Variants in MAST4 observed in about 807,000 individuals in gnomAD.
The protein encoded by MAST4 is microtubule associated serine/threonine kinase family member 4.
Under a neutral mutation model 162.7 loss-of-function variants are expected in MAST4, and 89 were observed. The observed-to-expected ratio is 0.55, with a 90% CI of 0.46 to 0.65. The LOEUF (loss-of-function observed/expected upper bound fraction) is 0.65. Ranked by LOEUF, MAST4 falls within the 30% of genes least tolerant of loss-of-function variation. MAST4 has a pLI of 0.00. For synonymous variants in MAST4, 1,479 were observed against 1,361.1 expected (o/e 1.09, Z -1.91); for missense variants, 3,153 against 3,374.0 (o/e 0.93, Z 1.62).
At chr5:67,013,263 C>T (rs1752901787) in intron 4 of MAST4, among the ~76,000 whole-genome samples, 1 of 152,062 alleles carries the variant, frequency 6.6e-6, no homozygotes, top group Admixed American at 6.6e-5. Context: ...CACCTTGTGC[C>T]CCTGGAAAGT....
rs1773876022 is a variant in MAST4, at chr5:67,165,899, G to A, written c.6720G>A (p.Lys2240=). The change falls in exon 29 of 29, where the codon AAG becomes AAA. Residue 2240 remains lysine, a synonymous_variant. Transcript: ENST00000403625. The part of the protein sequence containing the change: ...QSLGGSSREG[K]GHSKSGPDVF... Reference sequence around the variant, plus strand: ...TCGGTGGCTCTAGCAGAGAGGGGAAGGGCCACAGTAAGAGTGGGCCGGATG... The same window carrying A: ...TCGGTGGCTCTAGCAGAGAGGGGAAAGGCCACAGTAAGAGTGGGCCGGATG... 7 of 1,613,290 alleles carry A rather than the reference G, an allele frequency of 4.3e-6. No homozygotes were observed. The highest frequency in any genetic ancestry group is 2.7e-5 in the African/African-American group (2 of 74,946).
intron 12 of MAST4, 89 bp downstream of exon 12, chr5:67,114,308 T>G (rs1399688480): frequency 1.4e-6 from 2 of 1,470,752 alleles, no homozygotes; most frequent in African/African-American, 1.4e-5. Flanking sequence ...TTATTTTTCC[T>G]CATGTTTTGG....
intron 1 of MAST4, among the ~76,000 whole-genome samples, chr5:66,641,620 C>T (rs1340127861): frequency 6.6e-6 from 1 of 152,106 alleles, no homozygotes; most frequent in Non-Finnish European, 1.5e-5. Flanking sequence ...TGGCTGATTC[C>T]AGCTCTGGAG....
At chr5:66,982,225 C>T (rs1490443958) in intron 4 of MAST4, among the ~76,000 whole-genome samples, 4 of 152,232 alleles carry the variant, frequency 2.6e-5, no homozygotes, top group South Asian at 2.1e-4. Context: ...TTTACATCAT[C>T]GGCCTTATCC....
intron 17 of MAST4, among the ~76,000 whole-genome samples, chr5:67,134,046 C>T (rs1463598372): frequency 6.6e-6 from 1 of 152,128 alleles, no homozygotes; most frequent in African/African-American, 2.4e-5. Flanking sequence ...TGCCTCATTA[C>T]CATGTCCCCA....
intron 4 of MAST4, among the ~76,000 whole-genome samples, chr5:66,976,717 T>C (rs1561496581): frequency 6.6e-6 from 1 of 152,202 alleles, no homozygotes; most frequent in Non-Finnish European, 1.5e-5. Context: ...ACAGTGTTGA[T>C]CTGGAGATTT....
intron 1 of MAST4, among the ~76,000 whole-genome samples, chr5:66,741,576 A>G (rs1015504409): frequency 6.6e-6 from 1 of 152,180 alleles, no homozygotes; most frequent in Non-Finnish European, 1.5e-5. Context: ...TGTGTTTGCC[A>G]ATCCCTGGAA....
intron 3 of MAST4, among the ~76,000 whole-genome samples, chr5:66,864,091 A>G (rs535654432): frequency 2.0e-5 from 3 of 152,244 alleles, no homozygotes; most frequent in African/African-American, 4.8e-5. Context: ...TTGAACACCT[A>G]CTAAGTGCCA....
chr5:67,069,508 A>G (rs1760668702), intron 5 of MAST4, among the ~76,000 whole-genome samples: 2 of 151,894 alleles, frequency 1.3e-5, no homozygotes, highest in Admixed American at 1.3e-4. Flanking sequence ...AGATAAAAGA[A>G]TGGGTTAGCT....
At chr5:66,877,256 A>AC (rs1192712418) in intron 3 of MAST4, among the ~76,000 whole-genome samples, 2 of 152,192 alleles carry the variant, frequency 1.3e-5, no homozygotes, top group Admixed American at 6.5e-5. Flanking sequence ...AGCCACCTGT[A>AC]AGGTAAGTAC....
intron 5 of MAST4, among the ~76,000 whole-genome samples, chr5:67,062,414 G>T (rs915581592): frequency 5.3e-5 from 8 of 152,048 alleles, no homozygotes; most frequent in African/African-American, 1.9e-4. Flanking sequence ...AAAATGTGAG[G>T]CTGGAGACAT....
chr5:66,920,958 T>G (rs1250220335), intron 4 of MAST4, among the ~76,000 whole-genome samples: 1 of 152,100 alleles, frequency 6.6e-6, no homozygotes, highest in East Asian at 1.9e-4. Context: ...CAGACAGTGC[T>G]GTGACTGTGG....
chr5:66,812,152 A>C (rs181046817), intron 3 of MAST4, among the ~76,000 whole-genome samples: 2 of 152,178 alleles, frequency 1.3e-5, no homozygotes, highest in Non-Finnish European at 2.9e-5. Flanking sequence ...GATAAGTCTC[A>C]TTACCACACA....
At chr5:66,723,312 C>T (rs774678254) in intron 1 of MAST4, among the ~76,000 whole-genome samples, 7 of 152,142 alleles carry the variant, frequency 4.6e-5, no homozygotes, top group Non-Finnish European at 8.8e-5. Flanking sequence ...TTCCTAAACA[C>T]AGTGGGATCT....
intron 3 of MAST4, among the ~76,000 whole-genome samples, chr5:66,877,429 G>C (rs761743327): frequency 7.2e-5 from 11 of 152,162 alleles, no homozygotes; most frequent in Admixed American, 2.0e-4. Flanking sequence ...ACTGAAGCAG[G>C]GTGAAGTTCA....
intron 1 of MAST4, among the ~76,000 whole-genome samples, chr5:66,699,607 G>T (rs1316197720): frequency 6.6e-6 from 1 of 152,180 alleles, no homozygotes; most frequent in Non-Finnish European, 1.5e-5. Flanking sequence ...CAGGTCCTTT[G>T]TAGAGTCATG....
At chr5:66,999,135 C>G (rs1750995508) in intron 4 of MAST4, among the ~76,000 whole-genome samples, 1 of 152,200 alleles carries the variant, frequency 6.6e-6, no homozygotes, top group Non-Finnish European at 1.5e-5. Context: ...TGGATCTTGC[C>G]CAGTAGTCTC....
At chr5:66,761,235 C>A (rs1753835757) in intron 2 of MAST4, among the ~76,000 whole-genome samples, 1 of 152,168 alleles carries the variant, frequency 6.6e-6, no homozygotes, top group East Asian at 1.9e-4. Context: ...TGGTTCAATT[C>A]TTTCACCCCT....
At chr5:66,735,714 C>T (rs200960470) in intron 1 of MAST4, among the ~76,000 whole-genome samples, 10 of 152,230 alleles carry the variant, frequency 6.6e-5, no homozygotes, top group East Asian at 5.8e-4. Flanking sequence ...ACGGGATCTG[C>T]GACTCTTAAA....
Sources: allele counts gnomAD v4.1 joint callset (sites outside exome capture counted in the v4.1 genomes callset), GRCh38; gene constraint gnomAD v4.1.1; transcripts MANE v1.5; gene names NCBI Gene and HGNC (gene_info 2026-07-23, HGNC 2026-07-21).